Variants in TANC2 observed in about 807,000 individuals in gnomAD.
TANC2 encodes the protein protein TANC2.
A neutral mutation model predicts 210.5 loss-of-function variants in TANC2; 26 were observed. The observed-to-expected ratio is 0.12, with a 90% CI of 0.09 to 0.17. The LOEUF (loss-of-function observed/expected upper bound fraction) is 0.17, where lower values mean the gene tolerates loss of function less well. Among genes scored for constraint, TANC2 ranks in the 10% least tolerant of loss-of-function variants. TANC2 has a pLI of 1.00. For synonymous variants in TANC2, 931 were observed against 967.1 expected, an observed-to-expected ratio of 0.96 and a Z score of 0.69; for missense variants, 2,129 against 2,608.9, an observed-to-expected ratio of 0.82 and a Z score of 4.01.
intron 8 of TANC2, among the ~76,000 whole-genome samples, chr17:63,244,097 G>A (rs2042851177): frequency 6.6e-6 from 1 of 152,188 alleles, no homozygotes; most frequent in Non-Finnish European, 1.5e-5. Flanking sequence ...TGGTGGAAAA[G>A]GATTCTCTGG....
chr17:63,146,966 CTT>C (rs944106563), intron 4 of TANC2, among the ~76,000 whole-genome samples: 20 of 152,054 alleles, frequency 1.3e-4, no homozygotes, highest in Middle Eastern at 6.8e-3. Context: ...ACTTAGGACT[CTT>C]TAAAAAACAG....
intron 9 of TANC2, among the ~76,000 whole-genome samples, chr17:63,295,132 A>C (rs1489155143): frequency 6.6e-6 from 1 of 152,024 alleles, no homozygotes; most frequent in Admixed American, 6.5e-5. Flanking sequence ...TATCATATTG[A>C]TCTGATAAAA....
At chr17:63,013,762 T>TAA (rs34126221) in intron 2 of TANC2, among the ~76,000 whole-genome samples, 1,841 of 101,712 alleles carry the variant, frequency 0.018, 28 homozygotes, top group Admixed American at 0.051. Flanking sequence ...ACCCTGTCTT[T>TAA]AAAAAAAAAA....
intron 8 of TANC2, among the ~76,000 whole-genome samples, chr17:63,238,881 G>A (rs7218240): frequency 0.016 from 2,413 of 152,120 alleles, 59 homozygotes; most frequent in African/African-American, 0.055. Flanking sequence ...TTAAACCATC[G>A]GATCTAATGA....
At chr17:63,257,334 C>T (rs546737720) in intron 8 of TANC2, among the ~76,000 whole-genome samples, 3 of 151,782 alleles carry the variant, frequency 2.0e-5, no homozygotes, top group East Asian at 1.9e-4. Flanking sequence ...TTGAGATTAC[C>T]GTGAAGCTTG....
intron 2 of TANC2, among the ~76,000 whole-genome samples, chr17:63,072,774 T>TACA: frequency 6.6e-6 from 1 of 152,090 alleles, no homozygotes; most frequent in South Asian, 2.1e-4. Flanking sequence ...CTTGCTAGTT[T>TACA]AACAGCCCTC....
At position 63,101,182 on chromosome 17, in the gene TANC2, C is replaced by T. The variant is rs548342309; in HGVS notation, c.322+1825C>T. Among the ~76,000 whole-genome samples, 12 of 152,298 alleles carry T rather than the reference C, an allele frequency of 7.9e-5. No individual in the cohort carries two copies. The South Asian group carries it at 2.5e-3, about 32-fold the overall frequency. The stretch of plus-strand genomic sequence containing the variant: ...GTAGATTATTCATCCATTATCCCTT[C>T]TTAACCTAATCATCAGTTACCCCTT... On this transcript the variant is annotated intron_variant, in intron 4 of 27. Transcript: ENST00000689528.
chr17:63,296,444 A>ATATCTCCT (rs1567891211), intron 9 of TANC2, among the ~76,000 whole-genome samples: 1 of 152,032 alleles, frequency 6.6e-6, no homozygotes, highest in Non-Finnish European at 1.5e-5. Flanking sequence ...TGAAGGAGGC[A>ATATCTCCT]GAATCTGATA....
intron 4 of TANC2, among the ~76,000 whole-genome samples, chr17:63,108,026 A>G (rs2037892956): frequency 6.6e-6 from 1 of 151,830 alleles, no homozygotes; most frequent in African/African-American, 2.4e-5. Flanking sequence ...AAGTTGATGA[A>G]TTTATATTTA....
chr17:63,336,192 G>A (rs1462019804), intron 11 of TANC2, among the ~76,000 whole-genome samples: 2 of 152,244 alleles, frequency 1.3e-5, no homozygotes, highest in Admixed American at 6.5e-5. Flanking sequence ...AATCAATCGG[G>A]TGGTAGTGAG....
intron 4 of TANC2, among the ~76,000 whole-genome samples, chr17:63,123,683 CTTTT>C (rs957485298): frequency 1.1e-5 from 1 of 93,888 alleles, no homozygotes; most frequent in African/African-American, 4.5e-5. Context: ...TAGGTAAAAT[CTTTT>C]TTTTTTTTTT....
At chr17:63,194,039 C>A in exon 6 of TANC2, 1 of 1,613,170 alleles carries the variant, frequency 6.2e-7, no homozygotes, top group Non-Finnish European at 8.5e-7. Flanking sequence ...GATGAGGCAG[C>A]AAACACACTC....
chr17:62,982,138 C>T (rs1179425528), intron 1 of TANC2, among the ~76,000 whole-genome samples: 3 of 152,190 alleles, frequency 2.0e-5, no homozygotes, highest in Non-Finnish European at 2.9e-5. Flanking sequence ...AATTATGTGG[C>T]TGGGTTCTCT....
chr17:63,416,979 T>C (rs961656328), intron 26 of TANC2, among the ~76,000 whole-genome samples: 2 of 152,230 alleles, frequency 1.3e-5, no homozygotes, highest in African/African-American at 2.4e-5. Context: ...CCCACTGATC[T>C]CTTTTCCCTA....
rs148376607 is a variant in TANC2, at chr17:63,322,273, C to T, written c.1575+3183C>T. Among the ~76,000 whole-genome samples, 657 of 152,194 alleles carry T rather than the reference C, an allele frequency of 4.3e-3. 6 individuals are homozygous for T. Among genetic ancestry groups the T allele is most frequent in the African/African-American group, 0.014 (566 of 41,542 alleles). ...CAGCACTTTGGGAGGCCGAGGCGGGCGGACCACAAGGTCAGGAGATCGAGA... is the reference window on the plus strand; with the variant it reads ...CAGCACTTTGGGAGGCCGAGGCGGGTGGACCACAAGGTCAGGAGATCGAGA... On this transcript the variant is annotated intron_variant, in intron 11 of 27. Transcript: ENST00000689528.
chr17:63,117,211 A>T (rs1300141120), intron 4 of TANC2: 1 of 152,248 alleles, frequency 6.6e-6, no homozygotes, highest in Non-Finnish European at 1.5e-5. Context: ...GTTAAGAAGA[A>T]CATCCGTGAA....
intron 1 of TANC2, among the ~76,000 whole-genome samples, chr17:62,996,651 T>C (rs1669927906): frequency 6.6e-6 from 1 of 152,162 alleles, no homozygotes; most frequent in South Asian, 2.1e-4. Flanking sequence ...ACTATTGCAT[T>C]TGTCATTGGT....
At chr17:63,053,379 A>C (rs1356582436) in intron 2 of TANC2, among the ~76,000 whole-genome samples, 1 of 152,210 alleles carries the variant, frequency 6.6e-6, no homozygotes, top group Non-Finnish European at 1.5e-5. Flanking sequence ...CTCAATCTTC[A>C]TATTACTTGA....
At chr17:62,994,554 T>C (rs979704438) in intron 1 of TANC2, among the ~76,000 whole-genome samples, 2 of 152,202 alleles carry the variant, frequency 1.3e-5, no homozygotes, top group African/African-American at 4.8e-5. Context: ...TGAGTATTTC[T>C]TTTTTAATCA....
Sources: gnomAD v4.1 joint callset for allele counts (sites outside exome capture counted in the v4.1 genomes callset) on GRCh38, gnomAD v4.1.1 for gene constraint, MANE v1.5 for transcripts, NCBI Gene and HGNC (gene_info 2026-07-23, HGNC 2026-07-21) for gene names.